ULK3: variants seen among roughly 807,000 people sequenced by gnomAD.
ULK3 encodes the protein serine/threonine-protein kinase ULK3.
In ULK3, 54 loss-of-function variants were observed where a neutral mutation model predicts 69.4. The ratio of observed to expected loss-of-function variants is 0.78; its 90% CI spans 0.63 to 0.98. The LOEUF is 0.98. Among genes scored for constraint, ULK3 ranks in the 50% least tolerant of loss-of-function variants. The probability of loss-of-function intolerance (pLI) is 0.00; values close to 1 mark genes in which losing one functional copy is unlikely to be tolerated. For synonymous variants in ULK3, 240 were observed against 254.5 expected (o/e 0.94, Z 0.54); for missense variants, 558 against 627.7 (o/e 0.89, Z 1.19).
chr15:74,842,307 GGGATGTCGAATGCCCTTGA>G lies in ULK3; in HGVS notation c.197_215del (p.Leu66ProfsTer6). On this transcript the variant is annotated frameshift_variant, in exon 2 of 16. Transcript: ENST00000440863. LOFTEE classifies it high-confidence loss of function. This position sits in a 1 kb window ranked among gnomAD's most constrained non-coding sequence, Gnocchi z 4.9. The stretch of plus-strand genomic sequence containing the variant: ...GAAAGTCTTTCAGCTGCACAATGTG[GGGATGTCGAATGCCCTTGA>G]GGATCTCAATCTCCGTGAGGAGGTT... 1 of 1,614,014 alleles carries G rather than the reference GGGATGTCGAATGCCCTTGA, an allele frequency of 6.2e-7. No homozygotes were observed. Among genetic ancestry groups the G allele is most frequent in the Admixed American group, 1.7e-5 (1 of 60,030 alleles).
rs1226805330 is a variant in ULK3, at chr15:74,842,564, C to T, written c.103-144G>A. ...TGCACACCAGCACCGGGCTTCCCAGCTTTCCCTTGTGAGGCCAGTGAGGAA... is the reference window on the plus strand; with the variant it reads ...TGCACACCAGCACCGGGCTTCCCAGTTTTCCCTTGTGAGGCCAGTGAGGAA... On this transcript the variant is annotated intron_variant, in intron 1 of 15. Transcript: ENST00000440863. This position sits in a 1 kb window ranked among gnomAD's most constrained non-coding sequence, Gnocchi z 4.9. The T allele has an allele frequency of 2.9e-5, 46 of 1,587,790 alleles. No individual in the cohort carries two copies. Among genetic ancestry groups the T allele is most frequent in the Non-Finnish European group, 3.9e-5 (46 of 1,174,664 alleles).
chr15:74,840,384 G>A, intron 5 of ULK3, 68 bp from the exon 6 acceptor site: 1 of 1,572,684 alleles, frequency 6.4e-7, no homozygotes, highest in Admixed American at 1.9e-5. Context: ...CCCCTCAGCA[G>A]GGGCCCTGGG....
At position 74,842,490 on chromosome 15, in the gene ULK3, A is replaced by G. The variant is rs2064293630; in HGVS notation, c.103-70T>C. ...ACCCTTGTCTGACTGGAAAGGCTCT[A>G]TCTGGTTCCCTCTGTTCCCCCACCC... On this transcript the variant is annotated intron_variant, in intron 1 of 15. Coordinates refer to ENST00000440863, the MANE Select transcript of ULK3 (RefSeq NM_001099436.4). This position sits in a 1 kb window ranked among gnomAD's most constrained non-coding sequence, Gnocchi z 4.9. 1 of 1,610,144 alleles carries G rather than the reference A, an allele frequency of 6.2e-7. No homozygotes were observed. Among genetic ancestry groups the G allele is most frequent in the East Asian group, 2.2e-5 (1 of 44,872 alleles).
rs377064776 is a variant in ULK3, at chr15:74,840,534, G to C, written c.577C>G (p.Arg193Gly). ...ACCCCCATGGACCAGAGGTCCACGCGGGCGTCATACTGCCGCTGGCACACC... is the reference window on the plus strand; with the variant it reads ...ACCCCCATGGACCAGAGGTCCACGCCGGCGTCATACTGCCGCTGGCACACC... ...EMVCQRQYDA[R>G]VDLWSMGVIL... is the part of the protein sequence containing the mutation. Residue 193 changes from arginine (R) to glycine (G), a missense_variant, in exon 5 of 16, where the codon CGC becomes GGC. Arg to Gly is a moderately radical substitution (Grantham distance 125). Transcript: ENST00000440863. 6.2e-7 allele frequency: 1 copy of C among 1,610,446 alleles called. No individual in the cohort carries two copies. The highest frequency in any genetic ancestry group is 2.2e-5 in the East Asian group (1 of 44,788).
intron 8 of ULK3, 46 bp downstream of exon 8, chr15:74,839,222 C>T: frequency 1.9e-6 from 3 of 1,544,552 alleles, no homozygotes; most frequent in Non-Finnish European, 2.6e-6. Flanking sequence ...CAGATGACTC[C>T]CATCCCTGCT....
Position 74,842,022 on chromosome 15 carries a change from T to TG in ULK3, c.364+52dup. ...TAAGCCTGGGGGAGGGGTGGGATGG[T>TG]GGGGGGCAGAGAACAAGGGACAGAG... On this transcript the variant is annotated intron_variant, in intron 3 of 15. Transcript: ENST00000440863. This position sits in a 1 kb window ranked among gnomAD's most constrained non-coding sequence, Gnocchi z 4.9. The TG allele has an allele frequency of 3.7e-6, 6 of 1,609,042 alleles. No individual in the cohort carries two copies. The highest frequency in any genetic ancestry group is 3.4e-6 in the Non-Finnish European group (4 of 1,177,848).
At chr15:74,840,156 G>T in intron 6 of ULK3, 78 bp downstream of exon 6, 1 of 1,500,354 alleles carries the variant, frequency 6.7e-7, no homozygotes, top group Non-Finnish European at 9.1e-7. Context: ...AGTCTCTGCA[G>T]GTCAGAACGA....
In ULK3 at chr15:74,843,147, C is replaced by G. The variant is rs984068517; in HGVS notation, c.-42G>C. The G allele has an allele frequency of 8.5e-7, 1 of 1,170,710 alleles. No individual in the cohort carries two copies. The highest frequency in any genetic ancestry group is 1.6e-5 in the African/African-American group (1 of 62,048). 72.5% of individuals were successfully genotyped at this position (1,170,710 alleles called of 1,614,324 possible). On this transcript the variant is annotated 5_prime_UTR_variant, in exon 1 of 16. Transcript: ENST00000440863. Reference sequence around the variant, plus strand: ...CGCGCGGGCGCTTCCTCGCTGCGGGCGGCGGTTCCGGCGGGTTGCGGGGCG... The same window carrying G: ...CGCGCGGGCGCTTCCTCGCTGCGGGGGGCGGTTCCGGCGGGTTGCGGGGCG...
At chr15:74,838,402 T>TGCCCC in intron 11 of ULK3, 38 bp downstream of exon 11, 1 of 1,562,290 alleles carries the variant, frequency 6.4e-7, no homozygotes. Context: ...CTCCCTGCCC[T>TGCCCC]GCCCCGACCC....
chr15:74,842,770 C>T lies in ULK3; in HGVS notation c.102+234G>A. 2.7e-6 allele frequency: 4 copies of T among 1,491,644 alleles called. No individual in the cohort carries two copies. Among genetic ancestry groups the T allele is most frequent in the Non-Finnish European group, 3.6e-6 (4 of 1,119,842 alleles). The allele number at this position is 1,491,644 out of a possible 1,614,324, so 92.4% of individuals were successfully genotyped here. On this transcript the variant is annotated intron_variant, in intron 1 of 15. Transcript: ENST00000440863. The surrounding 1 kb of genome is among the most constrained non-coding windows in gnomAD (Gnocchi z 4.9). ...CAGTCCCAGACTCCTCCCAGCCCACCAGGTAACCTGTTTTGAGCCTGTTCT... is the reference window on the plus strand; with the variant it reads ...CAGTCCCAGACTCCTCCCAGCCCACTAGGTAACCTGTTTTGAGCCTGTTCT...
chr15:74,837,278 A>C (rs1459114195), intron 15 of ULK3, 34 bp from the exon 16 acceptor site: 1 of 1,606,514 alleles, frequency 6.2e-7, no homozygotes, highest in East Asian at 2.2e-5. Flanking sequence ...GGGGAGGGTC[A>C]GTCTCAGGTC....
Position 74,838,441 on chromosome 15 carries a change from T to C in ULK3, c.1166A>G (p.Lys389Arg). 1 of 1,575,196 alleles carries C rather than the reference T, an allele frequency of 6.3e-7. No homozygotes were observed. The highest frequency in any genetic ancestry group is 8.6e-7 in the Non-Finnish European group (1 of 1,160,322). The change falls in exon 11 of 16, where the codon AAG becomes AGG. Residue 389 changes from lysine to arginine, a missense_variant and splice_region_variant. By Grantham distance (26) the Lys-to-Arg change is conservative. Transcript: ENST00000440863. ...TGGACCCCTCCCACTGGCACAAACC[T>C]TGGCCATGGCAGCTGAAGCCACTTC... Reference protein sequence around the residue: ...ALEVASAAMAKEEAAGGEQDA... With the variant: ...ALEVASAAMAREEAAGGEQDA...
rs1245811518 is a variant in ULK3, at chr15:74,842,275, C to T, written c.243+5G>A. ...TTTGGCAGCGGCCCCGCCCCAGGCT[C>T]ACACCTGAAAGTCTTTCAGCTGCAC... is the stretch of plus-strand genomic sequence containing the variant. On this transcript the variant is annotated splice_donor_5th_base_variant and intron_variant, in intron 2 of 15. Coordinates refer to ENST00000440863, the MANE Select transcript of ULK3 (RefSeq NM_001099436.4). This position sits in a 1 kb window ranked among gnomAD's most constrained non-coding sequence, Gnocchi z 4.9. The T allele has an allele frequency of 1.2e-6, 2 of 1,613,898 alleles. No homozygotes were observed. The highest frequency in any genetic ancestry group is 1.7e-6 in the Non-Finnish European group (2 of 1,179,900).
chr15:74,837,587 C>G (rs984337840), intron 14 of ULK3, among the ~76,000 whole-genome samples, 152 bp from the exon 15 acceptor site: 1 of 119,654 alleles, frequency 8.4e-6, no homozygotes, highest in Non-Finnish European at 1.8e-5. Flanking sequence ...CGAGCCACAG[C>G]GCAGTGCCGA....
chr15:74,839,276 G>A lies in ULK3; in HGVS notation c.950C>T (p.Ala317Val), dbSNP rs1317248459. The A allele has an allele frequency of 1.3e-6, 2 of 1,557,462 alleles. No individual in the cohort carries two copies. Among genetic ancestry groups the A allele is most frequent in the Non-Finnish European group, 8.7e-7 (1 of 1,150,282 alleles). Residue 317 changes from alanine to valine, a missense_variant, in exon 8 of 16, where the codon GCC becomes GTC. By Grantham distance (64) the Ala-to-Val change is moderately conservative. Coordinates refer to ENST00000440863, the MANE Select transcript of ULK3 (RefSeq NM_001099436.4). ...CATGGCCTGGGACTCACAGTGCAGGGCAGGTACAAAGAAGTCCAGAGCCTT... is the reference window on the plus strand; with the variant it reads ...CATGGCCTGGGACTCACAGTGCAGGACAGGTACAAAGAAGTCCAGAGCCTT... ...YCKALDFFVPALHYEVDAQRK... is the reference protein window; with the variant it reads ...YCKALDFFVPVLHYEVDAQRK...
chr15:74,839,190 T>C (rs960295878), intron 8 of ULK3, 78 bp downstream of exon 8: 33 of 1,530,220 alleles, frequency 2.2e-5, no homozygotes, highest in African/African-American at 1.4e-5. Context: ...AGAGAACTTC[T>C]GGAATCCACC....
At chr15:74,837,844 G>T (rs1267563584) in intron 13 of ULK3, 46 bp from the exon 14 acceptor site, 1 of 1,545,700 alleles carries the variant, frequency 6.5e-7, no homozygotes, top group Non-Finnish European at 8.8e-7. Flanking sequence ...GAGTGGCGGG[G>T]GGTGGGGTTT....
intron 6 of ULK3, 70 bp from the exon 7 acceptor site, chr15:74,839,783 T>C (rs1448012231): frequency 2.8e-6 from 4 of 1,448,774 alleles, no homozygotes; most frequent in Non-Finnish European, 3.6e-6. Flanking sequence ...CCCAGGGGTC[T>C]GCGAGGAACC....
chr15:74,838,060 A>G (rs1345910003), intron 13 of ULK3, 92 bp downstream of exon 13: 3 of 1,507,264 alleles, frequency 2.0e-6, no homozygotes, highest in Non-Finnish European at 2.7e-6. Context: ...TGACAGTGGG[A>G]CATTCCAGAG....
Sources: gnomAD v4.1 joint callset for allele counts (sites outside exome capture counted in the v4.1 genomes callset) on GRCh38, gnomAD v4.1.1 for gene constraint, Gnocchi (gnomAD v3.1) non-coding constraint, MANE v1.5 for transcripts, NCBI Gene and HGNC (gene_info 2026-07-23, HGNC 2026-07-21) for gene names.